Variants in ADGRL3 observed in about 807,000 individuals in gnomAD.
ADGRL3 encodes calcium-independent alpha-latrotoxin receptor 3.
In ADGRL3, 62 loss-of-function variants were observed where a neutral mutation model predicts 153.5. The ratio of observed to expected loss-of-function variants is 0.40; its 90% CI spans 0.33 to 0.50. The LOEUF (loss-of-function observed/expected upper bound fraction) is 0.50. Among genes scored for constraint, ADGRL3 ranks in the 20% least tolerant of loss-of-function variants. ADGRL3 has a pLI of 0.47. For missense variants in ADGRL3, 1,641 were observed against 1,859.4 expected (o/e 0.88, Z 2.16); for synonymous variants, 710 against 672.5 (o/e 1.06, Z -0.86).
At chr4:61,252,070 G>C (rs537342777) in intron 1 of ADGRL3, among the ~76,000 whole-genome samples, 1 of 151,762 alleles carries the variant, frequency 6.6e-6, no homozygotes, top group Non-Finnish European at 1.5e-5. Flanking sequence ...TTTTAGTAGA[G>C]AAAGGTTTTG....
At chr4:61,276,994 G>A (rs929162243) in intron 1 of ADGRL3, among the ~76,000 whole-genome samples, 4 of 152,152 alleles carry the variant, frequency 2.6e-5, no homozygotes, top group African/African-American at 9.6e-5. Context: ...ATTTTCTACT[G>A]TAACTATTAG....
At position 61,421,499 on chromosome 4, in the gene ADGRL3, T is replaced by C. The variant is rs1469531085; in HGVS notation, c.-174+38310T>C. Among the ~76,000 whole-genome samples the C allele has an allele frequency of 5.3e-5, 8 of 152,204 alleles. 1 individual carries two copies. The highest frequency in any genetic ancestry group is 1.2e-4 in the Non-Finnish European group (8 of 68,036). On this transcript the variant is annotated intron_variant, in intron 2 of 26. Coordinates refer to ENST00000683033, the MANE Select transcript of ADGRL3 (RefSeq NM_001387552.1). Reference sequence around the variant, plus strand: ...ATCTCTTTGGCACTTTAAAAAGTACTATTTATTGTTATTCCAGTGCCTTAT... The same window carrying C: ...ATCTCTTTGGCACTTTAAAAAGTACCATTTATTGTTATTCCAGTGCCTTAT...
intron 8 of ADGRL3, among the ~76,000 whole-genome samples, chr4:61,786,995 T>C (rs1347389805): frequency 6.6e-6 from 1 of 152,152 alleles, no homozygotes; most frequent in Non-Finnish European, 1.5e-5. Context: ...ATGGCATTCA[T>C]GAGTACACAA....
chr4:61,260,401 G>A (rs530367482), intron 1 of ADGRL3, among the ~76,000 whole-genome samples: 3 of 152,312 alleles, frequency 2.0e-5, no homozygotes, highest in African/African-American at 7.2e-5. Context: ...AATGGATAGA[G>A]TCTGTATAGT....
intron 1 of ADGRL3, among the ~76,000 whole-genome samples, chr4:61,356,034 G>C (rs1162114858): frequency 6.6e-6 from 1 of 152,014 alleles, no homozygotes; most frequent in Non-Finnish European, 1.5e-5. Context: ...ACTGACATTT[G>C]ATACATACAC....
intron 2 of ADGRL3, among the ~76,000 whole-genome samples, chr4:61,496,796 C>A (rs2098323859): frequency 6.6e-6 from 1 of 151,210 alleles, no homozygotes; most frequent in Non-Finnish European, 1.5e-5. Flanking sequence ...AAAAATTTAG[C>A]CTGGCCTGGT....
chr4:61,453,725 T>G (rs1181440183), intron 2 of ADGRL3, among the ~76,000 whole-genome samples: 2 of 152,136 alleles, frequency 1.3e-5, no homozygotes, highest in Non-Finnish European at 2.9e-5. Context: ...AACTGAAAAT[T>G]GATTTGAATT....
chr4:61,646,070 A>G (rs1191646566), intron 5 of ADGRL3, among the ~76,000 whole-genome samples: 2 of 152,050 alleles, frequency 1.3e-5, no homozygotes, highest in Non-Finnish European at 2.9e-5. Flanking sequence ...TCTCCAGTTG[A>G]TGGCATCGGC....
intron 2 of ADGRL3, among the ~76,000 whole-genome samples, chr4:61,469,294 A>G (rs2097917921): frequency 6.6e-6 from 1 of 152,104 alleles, no homozygotes; most frequent in Non-Finnish European, 1.5e-5. Flanking sequence ...TGTAAAGTCA[A>G]CTGATAATAA....
At chr4:61,798,900 G>A (rs2097448839) in intron 8 of ADGRL3, among the ~76,000 whole-genome samples, 1 of 150,438 alleles carries the variant, frequency 6.6e-6, no homozygotes. Context: ...ATAGGCATGA[G>A]CCTTGGCACC....
intron 8 of ADGRL3, among the ~76,000 whole-genome samples, chr4:61,740,884 T>C (rs910047156): frequency 7.9e-5 from 12 of 152,232 alleles, no homozygotes; most frequent in African/African-American, 2.9e-4. Flanking sequence ...ACCATTCTTA[T>C]GTACGCTAAA....
chr4:61,330,094 T>C (rs2095541736), intron 1 of ADGRL3, among the ~76,000 whole-genome samples: 1 of 152,210 alleles, frequency 6.6e-6, no homozygotes, highest in African/African-American at 2.4e-5. Flanking sequence ...CCTACATGAC[T>C]TCACAATTTA....
chr4:62,070,385 G>A lies in ADGRL3; in HGVS notation c.4109G>A (p.Gly1370Glu), dbSNP rs1225573710. ...MNKLVNNLGS[G>E]REDDAIVLDD... The stretch of plus-strand genomic sequence containing the variant: ...AAGCTGGTGAATAACCTTGGCAGTG[G>A]AAGGGAAGATGATGCCATTGTCCTG... Residue 1370 changes from glycine (G) to glutamate (E), a missense_variant, in exon 27 of 27, where the codon GGA becomes GAA. Transcript: ENST00000683033. The A allele has an allele frequency of 6.4e-7, 1 of 1,552,026 alleles. No homozygotes were observed. The highest frequency in any genetic ancestry group is 2.0e-5 in the Admixed American group (1 of 50,972).
intron 5 of ADGRL3, among the ~76,000 whole-genome samples, chr4:61,639,204 T>TC (rs958916989): frequency 5.9e-5 from 9 of 152,138 alleles, no homozygotes; most frequent in African/African-American, 2.2e-4. Flanking sequence ...ATATTTGTCT[T>TC]CCAGTCCCCA....
intron 5 of ADGRL3, among the ~76,000 whole-genome samples, chr4:61,675,531 T>C (rs984047468): frequency 6.6e-6 from 1 of 151,760 alleles, no homozygotes; most frequent in African/African-American, 2.4e-5. Flanking sequence ...ATAATTAATT[T>C]CAACATGTTT....
intron 1 of ADGRL3, among the ~76,000 whole-genome samples, chr4:61,347,672 G>T (rs1235111073): frequency 1.6e-5 from 2 of 123,652 alleles, no homozygotes; most frequent in East Asian, 4.3e-4. Context: ...TGCATATGCT[G>T]TGAGAAAAAA....
At chr4:61,746,133 G>C (rs921642679) in intron 8 of ADGRL3, among the ~76,000 whole-genome samples, 2 of 152,098 alleles carry the variant, frequency 1.3e-5, no homozygotes, top group Admixed American at 1.3e-4. Context: ...ATAGTAAAGA[G>C]ATCAATTCAA....
intron 6 of ADGRL3, among the ~76,000 whole-genome samples, chr4:61,687,102 C>T (rs939563759): frequency 6.6e-6 from 1 of 151,288 alleles, no homozygotes; most frequent in African/African-American, 2.4e-5. Flanking sequence ...GATCATAATT[C>T]CTGTTAATAC....
chr4:61,545,057 G>A (rs1281426317), intron 4 of ADGRL3, among the ~76,000 whole-genome samples: 1 of 152,154 alleles, frequency 6.6e-6, no homozygotes, highest in Non-Finnish European at 1.5e-5. Flanking sequence ...AGTGAATCAT[G>A]CTGATATCCA....
Sources: gnomAD v4.1 joint callset for allele counts (sites outside exome capture counted in the v4.1 genomes callset) on GRCh38, gnomAD v4.1.1 for gene constraint, MANE v1.5 for transcripts, NCBI Gene and HGNC (gene_info 2026-07-23, HGNC 2026-07-21) for gene names.